GALNT13: variants seen among roughly 807,000 people sequenced by gnomAD.
GALNT13 encodes the protein UDP-GalNAc:polypeptide N-acetylgalactosaminyltransferase 13.
Under a neutral mutation model 64.2 loss-of-function variants are expected in GALNT13, and 28 were observed. The ratio of observed to expected loss-of-function variants is 0.44; its 90% CI spans 0.32 to 0.60. The LOEUF (loss-of-function observed/expected upper bound fraction) is 0.60. Among genes scored for constraint, GALNT13 ranks in the 20% least tolerant of loss-of-function variants. The pLI is 0.05. For missense variants in GALNT13, 577 were observed against 669.8 expected, an observed-to-expected ratio of 0.86 and a Z score of 1.53; for synonymous variants, 214 against 224.6, an observed-to-expected ratio of 0.95 and a Z score of 0.42.
At position 154,006,350 on chromosome 2, in the gene GALNT13, A is replaced by G. The variant is rs180703139; in HGVS notation, c.142+61711A>G. 2.2e-3 allele frequency among the ~76,000 whole-genome samples: 337 copies of G among 152,326 alleles called. 2 individuals are homozygous for G. Among genetic ancestry groups the G allele is most frequent in the African/African-American group, 7.2e-3 (300 of 41,586 alleles). ...GTGGGGTATTGTAAATCAAATTTACATTAAGTGGATGATTAAAATTAAAAG... is the reference window on the plus strand; with the variant it reads ...GTGGGGTATTGTAAATCAAATTTACGTTAAGTGGATGATTAAAATTAAAAG... On this transcript the variant is annotated intron_variant, in intron 3 of 12. Coordinates refer to ENST00000392825, the MANE Select transcript of GALNT13 (RefSeq NM_052917.4).
chr2:153,181,683 ATATT>A, the GALNT13 span, among the ~76,000 whole-genome samples: 2 of 146,068 alleles, frequency 1.4e-5, no homozygotes, highest in Non-Finnish European at 3.0e-5. Context: ...TTATGTAAAT[ATATT>A]TATATAATTA....
At chr2:153,149,503 G>T in the GALNT13 span, among the ~76,000 whole-genome samples, 2 of 151,772 alleles carry the variant, frequency 1.3e-5, no homozygotes, top group African/African-American at 4.8e-5. Flanking sequence ...CCTTGTCCTG[G>T]TTCTTACTTC....
At chr2:154,004,188 A>T (rs1471169872) in intron 3 of GALNT13, among the ~76,000 whole-genome samples, 1 of 149,292 alleles carries the variant, frequency 6.7e-6, no homozygotes, top group African/African-American at 2.5e-5. Context: ...ATCCAGATAA[A>T]GTGTTTAATT....
chr2:154,377,717 G>GA (rs1698068077), intron 9 of GALNT13, among the ~76,000 whole-genome samples: 1 of 152,096 alleles, frequency 6.6e-6, no homozygotes, highest in South Asian at 2.1e-4. Flanking sequence ...AGGTCCTAGG[G>GA]ATCTAGAAGT....
the GALNT13 span, among the ~76,000 whole-genome samples, chr2:153,217,586 C>T: frequency 4.0e-5 from 6 of 151,854 alleles, no homozygotes; most frequent in Non-Finnish European, 7.4e-5. Flanking sequence ...TACTGTTTTC[C>T]TCAGTTTTTT....
At chr2:153,081,185 T>C in the GALNT13 span, among the ~76,000 whole-genome samples, 4 of 152,136 alleles carry the variant, frequency 2.6e-5, no homozygotes, top group African/African-American at 9.7e-5. Context: ...TTGGTATTTA[T>C]TGATACATAT....
At chr2:154,373,159 T>C (rs1442857210) in intron 9 of GALNT13, among the ~76,000 whole-genome samples, 1 of 152,128 alleles carries the variant, frequency 6.6e-6, no homozygotes, top group Non-Finnish European at 1.5e-5. Context: ...TTTCATACAT[T>C]TTATGGCAAA....
the GALNT13 span, among the ~76,000 whole-genome samples, chr2:153,457,078 T>A: frequency 6.6e-6 from 1 of 152,212 alleles, no homozygotes; most frequent in Admixed American, 6.5e-5. Context: ...GTGCTGACTT[T>A]CTTGAGTCCT....
the GALNT13 span, among the ~76,000 whole-genome samples, chr2:153,392,641 G>A: frequency 6.6e-6 from 1 of 152,006 alleles, no homozygotes; most frequent in South Asian, 2.1e-4. Flanking sequence ...CCTCTGGGGA[G>A]ATCAGTCTTT....
chr2:153,689,806 G>A, the GALNT13 span, among the ~76,000 whole-genome samples: 1 of 152,066 alleles, frequency 6.6e-6, no homozygotes, highest in Non-Finnish European at 1.5e-5. Context: ...GCTTAGATGT[G>A]TGTTGTGAGG....
At chr2:154,122,734 G>A (rs1358514666) in intron 3 of GALNT13, among the ~76,000 whole-genome samples, 1 of 152,074 alleles carries the variant, frequency 6.6e-6, no homozygotes, top group East Asian at 1.9e-4. Flanking sequence ...TTATAAACTT[G>A]ATAGATGTAG....
intron 3 of GALNT13, among the ~76,000 whole-genome samples, chr2:154,027,479 T>C (rs6740360): frequency 0.19 from 28,285 of 152,102 alleles, 3,375 homozygotes; most frequent in Non-Finnish European, 0.26. Flanking sequence ...ATATACCTAA[T>C]TAATGAAAAT....
intron 4 of GALNT13, among the ~76,000 whole-genome samples, chr2:154,154,944 G>A (rs1399610217): frequency 9.2e-6 from 1 of 108,236 alleles, no homozygotes; most frequent in African/African-American, 4.8e-5. Flanking sequence ...TTGTGTGTGT[G>A]TGTGTGTGTG....
the GALNT13 span, among the ~76,000 whole-genome samples, chr2:153,624,524 C>T: frequency 6.6e-6 from 1 of 152,064 alleles, no homozygotes; most frequent in Non-Finnish European, 1.5e-5. Context: ...ACAGCATGTC[C>T]CAGACAGCAC....
the GALNT13 span, among the ~76,000 whole-genome samples, chr2:153,850,659 A>G: frequency 1.4e-4 from 21 of 152,248 alleles, no homozygotes; most frequent in African/African-American, 4.8e-4. Context: ...ACTATATTCC[A>G]TATATTTAAG....
chr2:153,332,534 G>GC, the GALNT13 span, among the ~76,000 whole-genome samples: 2 of 136,260 alleles, frequency 1.5e-5, no homozygotes, highest in East Asian at 4.3e-4. Context: ...TGAGAGTATT[G>GC]TTTTTTTTTT....
At chr2:154,156,348 C>G (rs1463009324) in intron 4 of GALNT13, among the ~76,000 whole-genome samples, 1 of 152,074 alleles carries the variant, frequency 6.6e-6, no homozygotes, top group African/African-American at 2.4e-5. Context: ...AAGTGTAGCA[C>G]ATAGTTCCTA....
chr2:153,396,024 T>A, the GALNT13 span, among the ~76,000 whole-genome samples: 1 of 152,106 alleles, frequency 6.6e-6, no homozygotes, highest in East Asian at 1.9e-4. Flanking sequence ...TTGCAATAGA[T>A]GGTATGTAAA....
At chr2:154,330,981 A>G (rs1260808290) in intron 9 of GALNT13, among the ~76,000 whole-genome samples, 1 of 152,108 alleles carries the variant, frequency 6.6e-6, no homozygotes, top group African/African-American at 2.4e-5. Flanking sequence ...AGTGATAAGG[A>G]CAAAAGATAT....
Sources: allele counts gnomAD v4.1 joint callset (sites outside exome capture counted in the v4.1 genomes callset), GRCh38; gene constraint gnomAD v4.1.1; transcripts MANE v1.5; gene names NCBI Gene and HGNC (gene_info 2026-07-23, HGNC 2026-07-21).